The following CA5A variants were observed in gnomAD, a reference collection of about 807,000 sequenced individuals.
The protein encoded by CA5A is carbonic anhydrase 5A.
A neutral mutation model predicts 37.1 loss-of-function variants in CA5A; 28 were observed. That is an observed-to-expected ratio of 0.75 (90% CI 0.56 to 1.03). The LOEUF is 1.03. CA5A is among the 50% of genes least tolerant of loss of function. The pLI, the probability that CA5A is intolerant of heterozygous loss-of-function variation, is 0.00. For synonymous variants in CA5A, 171 were observed against 158.4 expected, an observed-to-expected ratio of 1.08 and a Z score of -0.60; for missense variants, 444 against 399.9, an observed-to-expected ratio of 1.11 and a Z score of -0.94.
chr16:87,917,772 G>A (rs566667449), intron 2 of CA5A, among the ~76,000 whole-genome samples: 2 of 92,086 alleles, frequency 2.2e-5, no homozygotes, highest in African/African-American at 1.9e-4. Flanking sequence ...GTGCACATGT[G>A]CACACATGCA....
chr16:87,897,451 G>A (rs2055821044), intron 5 of CA5A, among the ~76,000 whole-genome samples: 1 of 152,038 alleles, frequency 6.6e-6, no homozygotes, highest in Non-Finnish European at 1.5e-5. Flanking sequence ...GTGCCTGCGT[G>A]CTGGGAGCTG....
At chr16:87,924,499 C>T (rs990435792) in intron 2 of CA5A, among the ~76,000 whole-genome samples, 13 of 152,248 alleles carry the variant, frequency 8.5e-5, no homozygotes, top group African/African-American at 3.1e-4. Flanking sequence ...CATGGGGTGC[C>T]TCTCCCCGGG....
intron 2 of CA5A, among the ~76,000 whole-genome samples, chr16:87,918,763 C>G (rs766334232): frequency 3.1e-4 from 47 of 152,240 alleles, no homozygotes; most frequent in African/African-American, 1.1e-3. Context: ...AAACCTTTCT[C>G]TAGCCCTACC....
intron 1 of CA5A, among the ~76,000 whole-genome samples, chr16:87,931,734 C>T (rs1393147124): frequency 6.6e-6 from 1 of 152,206 alleles, no homozygotes; most frequent in East Asian, 1.9e-4. Flanking sequence ...TCGCTAAGTG[C>T]CGGAAAGCAG....
intron 5 of CA5A, among the ~76,000 whole-genome samples, chr16:87,897,699 G>A (rs537033393): frequency 8.8e-4 from 134 of 152,324 alleles, no homozygotes; most frequent in African/African-American, 3.0e-3. Context: ...TTCAGGCTGC[G>A]TGGACCCACT....
intron 2 of CA5A, among the ~76,000 whole-genome samples, chr16:87,919,954 G>A (rs1413074324): frequency 1.3e-5 from 2 of 152,240 alleles, no homozygotes; most frequent in East Asian, 1.9e-4. Flanking sequence ...ACACATCACC[G>A]CTCTCGTCCC....
At chr16:87,895,670 G>A (rs574704322) in intron 5 of CA5A, among the ~76,000 whole-genome samples, 4 of 152,310 alleles carry the variant, frequency 2.6e-5, no homozygotes, top group East Asian at 3.9e-4. Context: ...TCCACCTCAA[G>A]GGGGAAGCTT....
At chr16:87,904,719 C>A in intron 3 of CA5A, 67 bp downstream of exon 3, 6 of 969,724 alleles carry the variant, frequency 6.2e-6, no homozygotes, top group South Asian at 4.2e-5. Context: ...GGCTTGTTCA[C>A]CCCCCACCAT....
intron 1 of CA5A, among the ~76,000 whole-genome samples, chr16:87,931,959 G>C (rs1202882575): frequency 7.3e-6 from 1 of 137,060 alleles, no homozygotes; most frequent in Non-Finnish European, 1.6e-5. Context: ...GCCTCTCTGA[G>C]GCTGGGCGTG....
chr16:87,895,731 T>C (rs1206788300), intron 5 of CA5A, among the ~76,000 whole-genome samples: 2 of 152,030 alleles, frequency 1.3e-5, no homozygotes, highest in African/African-American at 2.4e-5. Flanking sequence ...TCTGTCTCTG[T>C]GGGTTTCATA....
intron 2 of CA5A, among the ~76,000 whole-genome samples, chr16:87,910,191 G>A (rs2056030580): frequency 6.6e-6 from 1 of 152,224 alleles, no homozygotes; most frequent in Non-Finnish European, 1.5e-5. Context: ...GTTCTGCCGT[G>A]TCCCGGGCAC....
intron 5 of CA5A, among the ~76,000 whole-genome samples, chr16:87,895,788 C>T (rs1395843403): frequency 6.6e-6 from 1 of 152,114 alleles, no homozygotes; most frequent in Non-Finnish European, 1.5e-5. Context: ...TTGTGTCTCT[C>T]ACTCAGCACG....
At chr16:87,898,683 C>T (rs2055835431) in intron 5 of CA5A, among the ~76,000 whole-genome samples, 1 of 151,560 alleles carries the variant, frequency 6.6e-6, no homozygotes, top group Non-Finnish European at 1.5e-5. Context: ...AAGAACCAGA[C>T]ATGCTCCTTA....
At chr16:87,930,735 A>T (rs77729538) in intron 1 of CA5A, among the ~76,000 whole-genome samples, 11 of 134,496 alleles carry the variant, frequency 8.2e-5, no homozygotes, top group African/African-American at 2.6e-4. Flanking sequence ...CTTTGGATCT[A>T]TTTTTTTTTT....
intron 2 of CA5A, among the ~76,000 whole-genome samples, chr16:87,926,120 T>C (rs1036755232): frequency 2.6e-5 from 4 of 152,148 alleles, no homozygotes; most frequent in African/African-American, 9.7e-5. Flanking sequence ...TTACTCAGGC[T>C]GAGGCAGGAG....
At chr16:87,913,764 T>A (rs1323274076) in intron 2 of CA5A, among the ~76,000 whole-genome samples, 1 of 151,784 alleles carries the variant, frequency 6.6e-6, no homozygotes, top group African/African-American at 2.4e-5. Context: ...TCCCCGGTCT[T>A]GCACACACCT....
At chr16:87,915,360 T>C (rs2056121777) in intron 2 of CA5A, among the ~76,000 whole-genome samples, 1 of 151,932 alleles carries the variant, frequency 6.6e-6, no homozygotes, top group Admixed American at 6.6e-5. Context: ...CACAGCATTG[T>C]AGAACGATGT....
chr16:87,936,312 T>C lies in CA5A; in HGVS notation c.139A>G (p.Thr47Ala), dbSNP rs1162250902. 1 of 1,611,392 alleles carries C rather than the reference T, an allele frequency of 6.2e-7. No individual in the cohort carries two copies. The highest frequency in any genetic ancestry group is 1.1e-5 in the South Asian group (1 of 90,990). ...GGAAATTTGAGGCTCTACTTACAAG[T>C]GTTATTGCTGGTTTGCCATGCACAG... ...RSCAWQTSNN[T>A]LHPLWTVPVS... The change falls in exon 1 of 7, where the codon ACT becomes GCT. Residue 47 changes from threonine to alanine, a missense_variant. Thr to Ala is a moderately conservative substitution (Grantham distance 58). Coordinates refer to ENST00000649794, the MANE Select transcript of CA5A (RefSeq NM_001739.2).
At chr16:87,912,415 G>A (rs1309860143) in intron 2 of CA5A, among the ~76,000 whole-genome samples, 1 of 152,220 alleles carries the variant, frequency 6.6e-6, no homozygotes, top group African/African-American at 2.4e-5. Context: ...GATTCTCAAG[G>A]TGAGACCTGC....
Sources: gnomAD v4.1 joint callset for allele counts (sites outside exome capture counted in the v4.1 genomes callset) on GRCh38, gnomAD v4.1.1 for gene constraint, MANE v1.5 for transcripts, NCBI Gene and HGNC (gene_info 2026-07-23, HGNC 2026-07-21) for gene names.